AKT3: variants seen among roughly 807,000 people sequenced by gnomAD.
The protein encoded by AKT3 is RAC-gamma serine/threonine-protein kinase.
In AKT3, 15 loss-of-function variants were observed where a neutral mutation model predicts 65.3. That is an observed-to-expected ratio of 0.23 (90% CI 0.15 to 0.35). The LOEUF (loss-of-function observed/expected upper bound fraction) is 0.35. AKT3 is among the 10% of genes least tolerant of loss of function. AKT3 has a pLI of 1.00. For missense variants in AKT3, 243 were observed against 576.5 expected, an observed-to-expected ratio of 0.42 and a Z score of 5.92; for synonymous variants, 206 against 183.8, an observed-to-expected ratio of 1.12 and a Z score of -0.98.
intron 3 of AKT3, among the ~76,000 whole-genome samples, chr1:243,691,173 C>T (rs766483166): frequency 4.6e-5 from 7 of 152,108 alleles, no homozygotes; most frequent in Non-Finnish European, 1.0e-4. Flanking sequence ...ACATTCCAAT[C>T]GAAGGGAACA....
chr1:243,544,096 A>G (rs1472330216), intron 12 of AKT3, among the ~76,000 whole-genome samples: 2 of 152,182 alleles, frequency 1.3e-5, no homozygotes, highest in Non-Finnish European at 2.9e-5. Flanking sequence ...GTTGGAATAA[A>G]CTGAAATGGA....
At chr1:243,550,166 T>G (rs1260599153) in intron 11 of AKT3, among the ~76,000 whole-genome samples, 1 of 152,218 alleles carries the variant, frequency 6.6e-6, no homozygotes, top group Non-Finnish European at 1.5e-5. Context: ...TGAGTATATG[T>G]TTTGTGCCCC....
chr1:243,689,653 G>A (rs781308379), intron 3 of AKT3, among the ~76,000 whole-genome samples: 6 of 151,858 alleles, frequency 4.0e-5, no homozygotes, highest in Non-Finnish European at 8.8e-5. Flanking sequence ...GAGAAAAGTC[G>A]GTTAGAGAGT....
chr1:243,569,655 A>C (rs1457458562), intron 9 of AKT3, among the ~76,000 whole-genome samples: 1 of 152,208 alleles, frequency 6.6e-6, no homozygotes, highest in Non-Finnish European at 1.5e-5. Context: ...TTAATACTGT[A>C]AATGGTTAAC....
intron 8 of AKT3, among the ~76,000 whole-genome samples, chr1:243,590,005 T>C (rs1215207936): frequency 6.6e-6 from 1 of 152,210 alleles, no homozygotes; most frequent in African/African-American, 2.4e-5. Flanking sequence ...TGACAAATAC[T>C]GTATGATCCA....
chr1:243,794,556 T>C (rs1259167506), intron 2 of AKT3, among the ~76,000 whole-genome samples: 2 of 152,360 alleles, frequency 1.3e-5, no homozygotes, highest in Non-Finnish European at 1.5e-5. Context: ...TTTTCTTTTA[T>C]AACATTCTTT....
intron 2 of AKT3, among the ~76,000 whole-genome samples, chr1:243,778,095 ACT>A (rs758215002): frequency 4.0e-5 from 6 of 151,858 alleles, no homozygotes; most frequent in Non-Finnish European, 8.8e-5. Flanking sequence ...CACTTAGTAC[ACT>A]CTCTCTTATG....
chr1:243,626,447 C>T (rs1467183843), intron 6 of AKT3, among the ~76,000 whole-genome samples: 1 of 152,148 alleles, frequency 6.6e-6, no homozygotes, highest in Non-Finnish European at 1.5e-5. Flanking sequence ...ACTCTATGCA[C>T]CCTAATTTCA....
chr1:243,798,410 T>C (rs568687505), intron 2 of AKT3, among the ~76,000 whole-genome samples: 77 of 135,464 alleles, frequency 5.7e-4, no homozygotes, highest in African/African-American at 2.0e-3. Context: ...TTTTTTTTTT[T>C]TTTTTTTGTT....
At chr1:243,604,782 A>C (rs1363802831) in intron 8 of AKT3, among the ~76,000 whole-genome samples, 1 of 152,148 alleles carries the variant, frequency 6.6e-6, no homozygotes, top group Non-Finnish European at 1.5e-5. Context: ...CATCAAAGGA[A>C]AAATAGTATG....
intron 2 of AKT3, among the ~76,000 whole-genome samples, chr1:243,769,344 A>T (rs1690028178): frequency 6.6e-6 from 1 of 152,020 alleles, no homozygotes; most frequent in Non-Finnish European, 1.5e-5. Context: ...TAGACTGCTG[A>T]GACCTACAAC....
chr1:243,587,717 C>A (rs1435298245), intron 8 of AKT3, among the ~76,000 whole-genome samples: 1 of 152,078 alleles, frequency 6.6e-6, no homozygotes, highest in African/African-American at 2.4e-5. Context: ...GTGAAAACGG[C>A]CTTCCAACCA....
At position 243,505,971 on chromosome 1, in the gene AKT3, C is replaced by T. The variant is rs567263429; in HGVS notation, c.1355-637G>A. Among the ~76,000 whole-genome samples the T allele has an allele frequency of 3.7e-4, 56 of 152,338 alleles. 1 individual carries two copies. The South Asian group carries it at 8.9e-3, about 24-fold the overall frequency. On this transcript the variant is annotated intron_variant, in intron 13 of 13. Coordinates refer to ENST00000673466, the MANE Select transcript of AKT3 (RefSeq NM_005465.7). ...AGACTTGAAAGGCATCAAAACAGGCCGCTGACAATCACAGTGTTCCTCCTG... is the reference window on the plus strand; with the variant it reads ...AGACTTGAAAGGCATCAAAACAGGCTGCTGACAATCACAGTGTTCCTCCTG...
chr1:243,581,042 C>T (rs543790858), intron 8 of AKT3, among the ~76,000 whole-genome samples: 1 of 152,158 alleles, frequency 6.6e-6, no homozygotes, highest in Non-Finnish European at 1.5e-5. Context: ...CACCTACTCT[C>T]CTGGACTAGA....
intron 2 of AKT3, among the ~76,000 whole-genome samples, chr1:243,809,563 G>C (rs559298606): frequency 6.6e-6 from 1 of 152,248 alleles, no homozygotes; most frequent in South Asian, 2.1e-4. Context: ...AAGAGACTTA[G>C]ACTCCCACAC....
At chr1:243,698,028 T>C (rs1383926373) in intron 2 of AKT3, among the ~76,000 whole-genome samples, 1 of 152,044 alleles carries the variant, frequency 6.6e-6, no homozygotes, top group Non-Finnish European at 1.5e-5. Flanking sequence ...AAGACGGCCC[T>C]AATATTAATA....
At chr1:243,637,140 G>C (rs1680033187) in intron 6 of AKT3, among the ~76,000 whole-genome samples, 1 of 151,872 alleles carries the variant, frequency 6.6e-6, no homozygotes, top group African/African-American at 2.4e-5. Context: ...GTATGGGGGT[G>C]GGAAGTAAGT....
At position 243,544,271 on chromosome 1, in the gene AKT3, G is replaced by A. The variant is rs552683712; in HGVS notation, c.1251+1239C>T. Among the ~76,000 whole-genome samples, 25 of 149,768 alleles carry A rather than the reference G, an allele frequency of 1.7e-4. No homozygotes were observed. The East Asian group carries it at 4.9e-3, about 29-fold the overall frequency. On this transcript the variant is annotated intron_variant, in intron 12 of 13. Coordinates refer to ENST00000673466, the MANE Select transcript of AKT3 (RefSeq NM_005465.7). ...AAAAAAAAAAAAAAAAAAAGCAGGG[G>A]GAGGGGGGGACAGACATAATAATTT...
intron 2 of AKT3, among the ~76,000 whole-genome samples, chr1:243,708,164 A>T (rs1406340158): frequency 6.6e-6 from 1 of 152,090 alleles, no homozygotes; most frequent in Non-Finnish European, 1.5e-5. Context: ...ATGGCCAGTC[A>T]TGTTAACATT....
Sources: allele counts gnomAD v4.1 joint callset (sites outside exome capture counted in the v4.1 genomes callset), GRCh38; gene constraint gnomAD v4.1.1; transcripts MANE v1.5; gene names NCBI Gene and HGNC (gene_info 2026-07-23, HGNC 2026-07-21).